Variants in NXPH1 observed in about 807,000 individuals in gnomAD.
NXPH1 encodes the protein neurexophilin 1, also known as neurexophilin-1.
Under a neutral mutation model 23.7 loss-of-function variants are expected in NXPH1, and 5 were observed. The observed-to-expected ratio is 0.21, with a 90% CI of 0.11 to 0.44. NXPH1 has a LOEUF of 0.44. Ranked by LOEUF, NXPH1 falls within the 20% of genes least tolerant of loss-of-function variation. The probability of loss-of-function intolerance (pLI) is 0.99; values close to 1 mark genes in which losing one functional copy is unlikely to be tolerated. For synonymous variants in NXPH1, 144 were observed against 122.2 expected (o/e 1.18, Z -1.18); for missense variants, 324 against 321.6 (o/e 1.01, Z -0.06).
chr7:8,562,669 C>T (rs1312866112), intron 2 of NXPH1, among the ~76,000 whole-genome samples: 1 of 151,480 alleles, frequency 6.6e-6, no homozygotes, highest in African/African-American at 2.4e-5. Flanking sequence ...GATGGATATC[C>T]TAATAGATAA....
At chr7:8,699,958 T>C (rs1779597003) in intron 2 of NXPH1, among the ~76,000 whole-genome samples, 1 of 152,132 alleles carries the variant, frequency 6.6e-6, no homozygotes, top group African/African-American at 2.4e-5. Flanking sequence ...CTTCACAGAA[T>C]CAAATTACTT....
intron 2 of NXPH1, among the ~76,000 whole-genome samples, chr7:8,745,675 C>T (rs1780456121): frequency 6.6e-6 from 1 of 151,384 alleles, no homozygotes; most frequent in Non-Finnish European, 1.5e-5. Context: ...GCCTCTGCCT[C>T]CCTAGTTGCT....
At chr7:8,503,354 C>G (rs1817468734) in intron 2 of NXPH1, among the ~76,000 whole-genome samples, 1 of 151,970 alleles carries the variant, frequency 6.6e-6, no homozygotes, top group South Asian at 2.1e-4. Context: ...ATAGTCTACT[C>G]TGAATTCCTC....
intron 2 of NXPH1, among the ~76,000 whole-genome samples, chr7:8,484,013 G>A (rs571216483): frequency 7.1e-6 from 1 of 140,956 alleles, no homozygotes; most frequent in Non-Finnish European, 1.5e-5. Flanking sequence ...TGTCAGAAAT[G>A]TTTTTTATAG....
intron 2 of NXPH1, among the ~76,000 whole-genome samples, chr7:8,501,368 C>A (rs75573576): frequency 0.026 from 3,931 of 152,042 alleles, 145 homozygotes; most frequent in African/African-American, 0.086. Flanking sequence ...CAAATCATAG[C>A]CTGAGTGCCT....
intron 2 of NXPH1, among the ~76,000 whole-genome samples, chr7:8,534,482 TATA>T (rs778290397): frequency 1.1e-4 from 16 of 152,238 alleles, no homozygotes; most frequent in East Asian, 1.9e-4. Context: ...TAAGCTACTT[TATA>T]ATAAGAGTTG....
intron 2 of NXPH1, among the ~76,000 whole-genome samples, chr7:8,581,933 G>A (rs1298856175): frequency 6.6e-6 from 1 of 152,136 alleles, no homozygotes; most frequent in African/African-American, 2.4e-5. Context: ...GCCTCTGCTT[G>A]TGCTACCAGC....
intron 2 of NXPH1, among the ~76,000 whole-genome samples, chr7:8,709,686 A>G (rs1488628065): frequency 6.6e-6 from 1 of 152,236 alleles, no homozygotes; most frequent in Admixed American, 6.5e-5. Flanking sequence ...CTTCAATTAA[A>G]ACATTCCATT....
chr7:8,581,441 G>C (rs1584247662), intron 2 of NXPH1, among the ~76,000 whole-genome samples: 1 of 152,186 alleles, frequency 6.6e-6, no homozygotes, highest in East Asian at 1.9e-4. Context: ...AGGAGGAAGA[G>C]AGAGAATGGG....
chr7:8,571,452 C>A (rs549960039), intron 2 of NXPH1, among the ~76,000 whole-genome samples: 2 of 151,808 alleles, frequency 1.3e-5, no homozygotes, highest in Non-Finnish European at 2.9e-5. Context: ...GGAAAAAGAA[C>A]TCATTTTATT....
In NXPH1 at chr7:8,608,790, G is replaced by A. The variant is rs968069864; in HGVS notation, c.55-142218G>A. Among the ~76,000 whole-genome samples, 5 of 152,050 alleles carry A rather than the reference G, an allele frequency of 3.3e-5. No homozygotes were observed. The East Asian group carries it at 9.7e-4, about 29-fold the overall frequency. ...TTTTCGTGTGATATGAATGACAAAT[G>A]ATTATAAGGAATTTTAATAATTTAT... On this transcript the variant is annotated intron_variant, in intron 2 of 2. Transcript: ENST00000405863.
chr7:8,493,447 G>A (rs1251788217), intron 2 of NXPH1, among the ~76,000 whole-genome samples: 1 of 151,998 alleles, frequency 6.6e-6, no homozygotes, highest in Non-Finnish European at 1.5e-5. Context: ...GCTGTGCCCA[G>A]AATCTCATAC....
chr7:8,738,609 C>T (rs1481032559), intron 2 of NXPH1, among the ~76,000 whole-genome samples: 1 of 152,154 alleles, frequency 6.6e-6, no homozygotes, highest in African/African-American at 2.4e-5. Context: ...GTGAGGGACC[C>T]ACTTGAGGAG....
At position 8,588,879 on chromosome 7, in the gene NXPH1, T is replaced by A. The variant is rs1005180176; in HGVS notation, c.54+153112T>A. 3.9e-5 allele frequency among the ~76,000 whole-genome samples: 6 copies of A among 152,296 alleles called. 1 individual carries two copies. The highest frequency in any genetic ancestry group is 3.9e-4 in the Admixed American group (6 of 15,278). Reference sequence around the variant, plus strand: ...TAGAACACTTTGGAACTTCATTGTTTACAATTAAGGAAATAAGGTTGATAA... The same window carrying A: ...TAGAACACTTTGGAACTTCATTGTTAACAATTAAGGAAATAAGGTTGATAA... On this transcript the variant is annotated intron_variant, in intron 2 of 2. Coordinates refer to ENST00000405863, the MANE Select transcript of NXPH1 (RefSeq NM_152745.3).
intron 2 of NXPH1, among the ~76,000 whole-genome samples, chr7:8,595,414 TAAGTTGAA>T (rs1819200411): frequency 6.6e-6 from 1 of 152,054 alleles, no homozygotes; most frequent in Admixed American, 6.6e-5. Flanking sequence ...ATGTTTACCG[TAAGTTGAA>T]AAGTTGAAAA....
At chr7:8,551,236 C>T (rs1339790721) in intron 2 of NXPH1, among the ~76,000 whole-genome samples, 1 of 151,392 alleles carries the variant, frequency 6.6e-6, no homozygotes, top group African/African-American at 2.4e-5. Flanking sequence ...TCTGTGTTTC[C>T]TCTTTTACAA....
At chr7:8,706,513 G>T (rs113330854) in intron 2 of NXPH1, among the ~76,000 whole-genome samples, 21 of 152,196 alleles carry the variant, frequency 1.4e-4, no homozygotes, top group Non-Finnish European at 1.6e-4. Context: ...AGAGTGTGAA[G>T]ATGTTGCATT....
chr7:8,621,490 CTTT>C (rs113473603), intron 2 of NXPH1, among the ~76,000 whole-genome samples: 2 of 140,244 alleles, frequency 1.4e-5, no homozygotes, highest in Admixed American at 7.5e-5. Context: ...GCTAGCCACT[CTTT>C]TTTTTTTTTT....
intron 2 of NXPH1, among the ~76,000 whole-genome samples, chr7:8,630,930 C>T (rs1052400304): frequency 6.6e-6 from 1 of 152,164 alleles, no homozygotes; most frequent in Non-Finnish European, 1.5e-5. Context: ...TCCTTTCACC[C>T]TCCACCCTCT....
Sources: allele counts gnomAD v4.1 joint callset (sites outside exome capture counted in the v4.1 genomes callset), GRCh38; gene constraint gnomAD v4.1.1; transcripts MANE v1.5; gene names NCBI Gene and HGNC (gene_info 2026-07-23, HGNC 2026-07-21).